RGSL1: variants seen among roughly 807,000 people sequenced by gnomAD.
The protein encoded by RGSL1 is regulator of G protein signaling protein-like.
A neutral mutation model predicts 124.7 loss-of-function variants in RGSL1; 97 were observed. The observed-to-expected ratio is 0.78, with a 90% CI of 0.66 to 0.92. RGSL1 has a LOEUF of 0.92. Among genes scored for constraint, RGSL1 ranks in the 40% least tolerant of loss-of-function variants. The pLI is 0.00. For synonymous variants in RGSL1, 424 were observed against 438.1 expected, an observed-to-expected ratio of 0.97 and a Z score of 0.40; for missense variants, 1,233 against 1,288.4, an observed-to-expected ratio of 0.96 and a Z score of 0.66.
In RGSL1 at chr1:182,509,825, C is replaced by T. The variant is rs1261398626; in HGVS notation, c.1826-12179C>T. Among the ~76,000 whole-genome samples, 161 of 135,678 alleles carry T rather than the reference C, an allele frequency of 1.2e-3. 2 individuals are homozygous for T. In the East Asian group the frequency reaches 0.026, roughly 22 times the overall value. The allele number at this position is 135,678 out of a possible 152,430, so 89.0% of individuals were successfully genotyped here. ...TGGCCGGGCGGGGGGCTGACCCCCC[C>T]CCACCTCCCTCCCGGACGGGGTGGC... On this transcript the variant is annotated intron_variant, in intron 9 of 21. Transcript: ENST00000294854.
chr1:182,467,051 AC>A (rs1391677213), intron 4 of RGSL1, among the ~76,000 whole-genome samples: 3 of 152,166 alleles, frequency 2.0e-5, no homozygotes, highest in African/African-American at 7.2e-5. Flanking sequence ...TAGGAATCCA[AC>A]TTACAATGGA....
At chr1:182,532,889 C>T (rs1045680521) in intron 14 of RGSL1, 98 bp downstream of exon 14, 13 of 1,345,404 alleles carry the variant, frequency 9.7e-6, no homozygotes, top group Non-Finnish European at 9.0e-6. Context: ...ATGCCTGCGG[C>T]AGCCTGGAGT....
intron 14 of RGSL1, among the ~76,000 whole-genome samples, chr1:182,533,593 C>T (rs1234661475): frequency 6.6e-6 from 1 of 152,152 alleles, no homozygotes; most frequent in African/African-American, 2.4e-5. Context: ...AGCCGGAGTG[C>T]CTAGATTTGA....
intron 12 of RGSL1, among the ~76,000 whole-genome samples, 177 bp downstream of exon 12, chr1:182,530,538 T>TACACACACATACACACAC (rs1659095556): frequency 6.7e-6 from 1 of 149,140 alleles, no homozygotes; most frequent in Non-Finnish European, 1.5e-5. Flanking sequence ...CACACACACA[T>TACACACACATACACACAC]ACACACACAC....
Position 182,494,580 on chromosome 1 carries a change from A to T in RGSL1, c.1825+1451A>T, listed in dbSNP as rs375091428. Among the ~76,000 whole-genome samples the T allele has an allele frequency of 8.5e-4, 130 of 152,358 alleles. 1 individual carries two copies. In the South Asian group the frequency reaches 0.025, roughly 29 times the overall value. ...TTGGACAGCACTGGTCTAGACCTAC[A>T]GAACCTAAAGGTATAAAGATGACAA... On this transcript the variant is annotated intron_variant, in intron 9 of 21. Coordinates refer to ENST00000294854, the MANE Select transcript of RGSL1 (RefSeq NM_001137669.2).
chr1:182,479,174 TA>T (rs1187828038), intron 6 of RGSL1, among the ~76,000 whole-genome samples: 1 of 152,092 alleles, frequency 6.6e-6, no homozygotes, highest in African/African-American at 2.4e-5. Context: ...CTGCTAAAGG[TA>T]AATATAAGGA....
At position 182,453,974 on chromosome 1, in the gene RGSL1, A is replaced by G; in HGVS notation, c.30A>G (p.Thr10=). ...TCCATATAGAGATAATTGGTTCTAC[A>G]AATCTTATAATTCTGCTAGAGGATG... The part of the protein sequence containing the change: MSSAEIIGS[T]NLIILLEDEV... The change falls in exon 2 of 22, where the codon ACA becomes ACG. Residue 10 remains threonine (T), a synonymous_variant. Transcript: ENST00000294854. 6.6e-7 allele frequency: 1 copy of G among 1,524,966 alleles called. No homozygotes were observed. Among genetic ancestry groups the G allele is most frequent in the Non-Finnish European group, 8.9e-7 (1 of 1,122,844 alleles). The allele number at this position is 1,524,966 out of a possible 1,614,324, so 94.5% of individuals were successfully genotyped here. A position where few individuals can be genotyped will look rare whatever the true frequency, so the allele number is the denominator to read the frequency against.
chr1:182,531,795 G>A (rs1174768837), intron 13 of RGSL1, among the ~76,000 whole-genome samples: 2 of 152,122 alleles, frequency 1.3e-5, no homozygotes, highest in African/African-American at 4.8e-5. Flanking sequence ...AAATCAACAT[G>A]TACTTAATGC....
chr1:182,519,108 A>T (rs1011368277), intron 9 of RGSL1, among the ~76,000 whole-genome samples: 2 of 151,986 alleles, frequency 1.3e-5, no homozygotes, highest in Non-Finnish European at 2.9e-5. Flanking sequence ...TGCATCCCTG[A>T]CATATTAAAG....
In RGSL1 at chr1:182,560,307, G is replaced by A. The variant is rs540739643; in HGVS notation, c.*194G>A. 3 of 152,212 alleles carry A rather than the reference G, an allele frequency of 2.0e-5. No homozygotes were observed. Among genetic ancestry groups the A allele is most frequent in the Non-Finnish European group, 2.9e-5 (2 of 68,050 alleles). 9.4% of individuals were successfully genotyped at this position (152,212 alleles called of 1,614,324 possible). A position where few individuals can be genotyped will look rare whatever the true frequency, so the allele number is the denominator to read the frequency against. ...TCTCATACAGCCCATTCAGACTAAA[G>A]GGTGATGGAAAGAAGCAGAGGAAAG... is the stretch of plus-strand genomic sequence containing the variant. On this transcript the variant is annotated 3_prime_UTR_variant, in exon 22 of 22. Coordinates refer to ENST00000294854, the MANE Select transcript of RGSL1 (RefSeq NM_001137669.2).
At chr1:182,488,615 A>G (rs940043758) in intron 7 of RGSL1, 6 of 394,118 alleles carry the variant, frequency 1.5e-5, no homozygotes, top group Non-Finnish European at 2.8e-5. Flanking sequence ...AGTCCCAGCT[A>G]CTTGGGAGGC....
chr1:182,518,508 A>G (rs1380386860), intron 9 of RGSL1, among the ~76,000 whole-genome samples: 1 of 152,134 alleles, frequency 6.6e-6, no homozygotes, highest in African/African-American at 2.4e-5. Context: ...AGTTTCCAGA[A>G]CTGGGGATGG....
chr1:182,554,533 G>A lies in RGSL1; in HGVS notation c.3131-94G>A, dbSNP rs115354322. 7,156 of 1,063,318 alleles carry A rather than the reference G, an allele frequency of 6.7e-3. 44 individuals are homozygous for A. Among genetic ancestry groups the A allele is most frequent in the Non-Finnish European group, 8.2e-3 (5,820 of 709,754 alleles). 65.9% of individuals were successfully genotyped at this position (1,063,318 alleles called of 1,614,324 possible). A position where few individuals can be genotyped will look rare whatever the true frequency, so the allele number is the denominator to read the frequency against. ...CCCTACATTGGAGGTGTCCGTGGAA[G>A]CCCACCCAGCATGGTCCTCCAGGGT... On this transcript the variant is annotated intron_variant, in intron 19 of 21. Transcript: ENST00000294854.
chr1:182,450,288 A>G, intron 1 of RGSL1, 110 bp downstream of exon 1: 1 of 1,239,460 alleles, frequency 8.1e-7, no homozygotes, highest in Admixed American at 2.0e-5. Context: ...ACCATGGGTG[A>G]CTTTTGTGTT....
intron 14 of RGSL1, among the ~76,000 whole-genome samples, chr1:182,536,457 T>C (rs543296201): frequency 6.6e-6 from 1 of 152,318 alleles, no homozygotes; most frequent in South Asian, 2.1e-4. Flanking sequence ...CTCACCAACC[T>C]TTGGTATTAT....
In RGSL1 at chr1:182,457,336, A is replaced by G. The variant is rs183600796; in HGVS notation, c.97-983A>G. On this transcript the variant is annotated intron_variant, in intron 2 of 21. Transcript: ENST00000294854. The stretch of plus-strand genomic sequence containing the variant: ...CCAAACCCCACTCCCACATAATCTC[A>G]TAACTTCACAGTCCTACTGCCACTC... Among the ~76,000 whole-genome samples the G allele has an allele frequency of 1.2e-3, 178 of 152,222 alleles. 2 individuals carry two copies. The highest frequency in any genetic ancestry group is 3.9e-3 in the African/African-American group (164 of 41,542).
intron 19 of RGSL1, 65 bp downstream of exon 19, chr1:182,553,606 C>A: frequency 1.4e-6 from 2 of 1,388,248 alleles, no homozygotes; most frequent in Non-Finnish European, 2.0e-6. Flanking sequence ...TTAAAACCAG[C>A]TTGGCCAATC....
At chr1:182,548,668 C>G in intron 16 of RGSL1, 32 bp from the exon 17 acceptor site, 1 of 1,550,240 alleles carries the variant, frequency 6.5e-7, no homozygotes, top group Non-Finnish European at 8.7e-7. Context: ...CGTGGAGCCT[C>G]TGCCAGTGAC....
chr1:182,494,996 G>A (rs934535683), intron 9 of RGSL1, among the ~76,000 whole-genome samples: 1 of 152,242 alleles, frequency 6.6e-6, no homozygotes, highest in Admixed American at 6.5e-5. Flanking sequence ...CCCCGAGGTG[G>A]TGATGCTGTC....
Sources: allele counts gnomAD v4.1 joint callset (sites outside exome capture counted in the v4.1 genomes callset), GRCh38; gene constraint gnomAD v4.1.1; transcripts MANE v1.5; gene names NCBI Gene and HGNC (gene_info 2026-07-23, HGNC 2026-07-21).